SLC14A2: variants seen among roughly 807,000 people sequenced by gnomAD.
SLC14A2 encodes the protein urea transporter 2.
In SLC14A2, 91 loss-of-function variants were observed where a neutral mutation model predicts 104.6. The observed-to-expected ratio is 0.87, with a 90% confidence interval of 0.73 to 1.04. The LOEUF (loss-of-function observed/expected upper bound fraction) is 1.04, where lower values mean the gene tolerates loss of function less well. Among genes scored for constraint, SLC14A2 ranks in the 50% least tolerant of loss-of-function variants. SLC14A2 has a pLI of 0.00. For synonymous variants in SLC14A2, 476 were observed against 466.4 expected (o/e 1.02, Z -0.27); for missense variants, 1,189 against 1,156.0 (o/e 1.03, Z -0.41).
chr18:45,318,190 G>A lies in SLC14A2; in HGVS notation c.-125+104999G>A, dbSNP rs966197497. ...AGCTGGCTCCAAGCACCGGGGAGAC[G>A]GCAACAAAGGCCCAAGGGACAGACA... On this transcript the variant is annotated intron_variant, in intron 1 of 20. Coordinates refer to the SLC14A2 transcript ENST00000586448. Among the ~76,000 whole-genome samples, 9 of 152,290 alleles carry A rather than the reference G, an allele frequency of 5.9e-5. No homozygotes were observed. The East Asian group carries it at 9.7e-4, about 16-fold the overall frequency.
intron 1 of SLC14A2, among the ~76,000 whole-genome samples, chr18:45,348,926 A>G (rs777330232): frequency 1.1e-4 from 17 of 152,196 alleles, no homozygotes; most frequent in Non-Finnish European, 2.4e-4. Context: ...AAAGACTTTG[A>G]AATCAGCAGT....
intron 1 of SLC14A2, among the ~76,000 whole-genome samples, chr18:45,263,670 G>A (rs1179986852): frequency 1.3e-5 from 2 of 152,122 alleles, no homozygotes; most frequent in Non-Finnish European, 2.9e-5. Context: ...TTTTTTAAGT[G>A]TTTATGTATA....
chr18:45,548,395 G>A (rs1170637121), intron 2 of SLC14A2, among the ~76,000 whole-genome samples: 2 of 152,196 alleles, frequency 1.3e-5, no homozygotes, highest in East Asian at 3.9e-4. Context: ...GAGTAGTAGA[G>A]GAACTTGATT....
intron 1 of SLC14A2, among the ~76,000 whole-genome samples, chr18:45,469,093 T>A (rs2087197765): frequency 6.6e-6 from 1 of 152,018 alleles, no homozygotes; most frequent in South Asian, 2.1e-4. Flanking sequence ...GATTTGGATA[T>A]GTAGGGAAGA....
At chr18:45,622,574 G>A (rs1250115439) in intron 1 of SLC14A2, among the ~76,000 whole-genome samples, 9 of 152,170 alleles carry the variant, frequency 5.9e-5, no homozygotes, top group South Asian at 2.1e-4. Flanking sequence ...GAGGGCTGAC[G>A]TCACCTGGGT....
intron 1 of SLC14A2, among the ~76,000 whole-genome samples, chr18:45,443,044 C>A (rs1598822912): frequency 6.6e-6 from 1 of 152,194 alleles, no homozygotes; most frequent in East Asian, 1.9e-4. Context: ...GGAAAGTCTC[C>A]TTGCTCCAAA....
At position 45,361,340 on chromosome 18, in the gene SLC14A2, G is replaced by A. The variant is rs187356876; in HGVS notation, c.-124-121893G>A. 1.3e-3 allele frequency among the ~76,000 whole-genome samples: 199 copies of A among 152,294 alleles called. 1 individual carries two copies. The highest frequency in any genetic ancestry group is 2.6e-3 in the Non-Finnish European group (174 of 68,026). ...CTTCTGCTAAAGGAATGAGTGAGCT[G>A]TCATTTGAAACCATGATTCTCTCCA... On this transcript the variant is annotated intron_variant, in intron 1 of 20. Coordinates refer to the SLC14A2 transcript ENST00000586448.
At chr18:45,224,317 C>G (rs1268906680) in intron 1 of SLC14A2, among the ~76,000 whole-genome samples, 1 of 152,328 alleles carries the variant, frequency 6.6e-6, no homozygotes, top group African/African-American at 2.4e-5. Context: ...CTTTAAGAAA[C>G]TGATGGACAG....
At chr18:45,289,757 A>G (rs543076289) in intron 1 of SLC14A2, among the ~76,000 whole-genome samples, 3 of 152,310 alleles carry the variant, frequency 2.0e-5, no homozygotes, top group African/African-American at 7.2e-5. Flanking sequence ...ATGAAATGTT[A>G]AGTCCCAAAG....
intron 1 of SLC14A2, among the ~76,000 whole-genome samples, chr18:45,312,400 C>CT (rs1408831323): frequency 6.6e-6 from 1 of 151,582 alleles, no homozygotes; most frequent in Non-Finnish European, 1.5e-5. Context: ...AAAAAGCCTG[C>CT]TTTTTTCAAA....
At chr18:45,460,795 A>T (rs2087031896) in intron 1 of SLC14A2, among the ~76,000 whole-genome samples, 1 of 152,148 alleles carries the variant, frequency 6.6e-6, no homozygotes, top group African/African-American at 2.4e-5. Flanking sequence ...CACCCTAAGA[A>T]GCACTTAAAA....
chr18:45,343,494 C>T (rs537978871), intron 1 of SLC14A2, among the ~76,000 whole-genome samples: 1 of 152,138 alleles, frequency 6.6e-6, no homozygotes, highest in Non-Finnish European at 1.5e-5. Context: ...AGGGAGAGTT[C>T]GAAGCACTCC....
intron 1 of SLC14A2, among the ~76,000 whole-genome samples, chr18:45,295,046 C>T (rs561089036): frequency 2.0e-5 from 3 of 152,252 alleles, no homozygotes; most frequent in South Asian, 2.1e-4. Context: ...CCAGTGGACA[C>T]GTAATGTGCT....
chr18:45,297,784 C>G (rs1308010134), intron 1 of SLC14A2, among the ~76,000 whole-genome samples: 1 of 152,166 alleles, frequency 6.6e-6, no homozygotes, highest in East Asian at 1.9e-4. Context: ...ACATCTTGAC[C>G]AGTCTTTTTC....
chr18:45,344,673 G>T (rs1670329276), intron 1 of SLC14A2, among the ~76,000 whole-genome samples: 1 of 152,074 alleles, frequency 6.6e-6, no homozygotes, highest in Admixed American at 6.6e-5. Flanking sequence ...TCCTAATAGG[G>T]TCTTATTTAA....
At chr18:45,459,123 A>C (rs1157157246) in intron 1 of SLC14A2, among the ~76,000 whole-genome samples, 3 of 152,044 alleles carry the variant, frequency 2.0e-5, no homozygotes, top group African/African-American at 7.2e-5. Flanking sequence ...TTAGAATCCA[A>C]ACTCTCCCCA....
the SLC14A2 span, among the ~76,000 whole-genome samples, chr18:45,186,398 A>G: frequency 6.6e-5 from 10 of 151,718 alleles, no homozygotes; most frequent in Non-Finnish European, 1.2e-4. Flanking sequence ...AAACAACTGA[A>G]TATTTGTAGG....
At chr18:45,393,913 CAG>C (rs1291358256) in intron 1 of SLC14A2, among the ~76,000 whole-genome samples, 1 of 152,158 alleles carries the variant, frequency 6.6e-6, no homozygotes, top group African/African-American at 2.4e-5. Flanking sequence ...GAAGAGGAAA[CAG>C]ACACCTGAGT....
At chr18:45,301,977 C>G (rs944205372) in intron 1 of SLC14A2, among the ~76,000 whole-genome samples, 30 of 152,312 alleles carry the variant, frequency 2.0e-4, no homozygotes, top group African/African-American at 7.2e-4. Flanking sequence ...TTGAAACTTT[C>G]TCTACAATGC....
Sources: allele counts gnomAD v4.1 joint callset (sites outside exome capture counted in the v4.1 genomes callset), GRCh38; gene constraint gnomAD v4.1.1; transcripts MANE v1.5; gene names NCBI Gene and HGNC (gene_info 2026-07-23, HGNC 2026-07-21).